Variants in RIMS2 observed in about 807,000 individuals in gnomAD.
RIMS2 encodes regulating synaptic membrane exocytosis 2, also known as regulating synaptic membrane exocytosis protein 2.
RIMS2 carries 59 observed loss-of-function variants against 174.4 expected under a neutral mutation model. The ratio of observed to expected loss-of-function variants is 0.34; its 90% CI spans 0.27 to 0.42. The LOEUF (loss-of-function observed/expected upper bound fraction) is 0.42. Among genes scored for constraint, RIMS2 ranks in the 10% least tolerant of loss-of-function variants. The pLI is 1.00. For synonymous variants in RIMS2, 606 were observed against 572.5 expected (o/e 1.06, Z -0.84); for missense variants, 1,620 against 1,666.3 (o/e 0.97, Z 0.48).
chr8:103,580,825 C>CTTTTTTTTTT (rs61559970), intron 1 of RIMS2, among the ~76,000 whole-genome samples: 2 of 113,458 alleles, frequency 1.8e-5, no homozygotes, highest in African/African-American at 3.5e-5. Context: ...AAAGGGAATA[C>CTTTTTTTTTT]TTTTTTTTTT....
intron 1 of RIMS2, among the ~76,000 whole-genome samples, chr8:103,606,522 T>A (rs2095093767): frequency 6.6e-6 from 1 of 152,212 alleles, no homozygotes; most frequent in African/African-American, 2.4e-5. Flanking sequence ...TAGGTCTGCT[T>A]GGTGCAGAGC....
chr8:103,855,870 CCAGTTGG>C (rs1338392993), intron 3 of RIMS2, among the ~76,000 whole-genome samples: 4 of 151,876 alleles, frequency 2.6e-5, no homozygotes, highest in Non-Finnish European at 1.5e-5. Flanking sequence ...TCTATTAGGT[CCAGTTGG>C]TCAAGTGTCA....
chr8:104,045,697 T>G (rs1434198248), intron 19 of RIMS2, among the ~76,000 whole-genome samples: 1 of 151,858 alleles, frequency 6.6e-6, no homozygotes, highest in African/African-American at 2.4e-5. Flanking sequence ...GTGATATTTA[T>G]TTTTGTTATG....
chr8:103,679,581 A>G (rs2096854896), intron 1 of RIMS2, among the ~76,000 whole-genome samples: 1 of 152,058 alleles, frequency 6.6e-6, no homozygotes, highest in Non-Finnish European at 1.5e-5. Context: ...TGCCAGGAAC[A>G]GCAGTAAATA....
At chr8:104,032,289 G>A (rs1393202252) in intron 19 of RIMS2, among the ~76,000 whole-genome samples, 1 of 152,096 alleles carries the variant, frequency 6.6e-6, no homozygotes, top group Non-Finnish European at 1.5e-5. Context: ...AGCATAGTAT[G>A]TGAATTCAAT....
downstream of RIMS2, chr8:104,252,074 C>G (rs1308878431): frequency 2.0e-6 from 1 of 508,604 alleles, no homozygotes; most frequent in Non-Finnish European, 3.5e-6. Context: ...CTGGTCCAAT[C>G]TGAAGCCATG....
At chr8:103,547,504 T>C (rs1015468796) in intron 1 of RIMS2, among the ~76,000 whole-genome samples, 13 of 152,172 alleles carry the variant, frequency 8.5e-5, no homozygotes, top group Non-Finnish European at 1.9e-4. Context: ...GGACACAACT[T>C]AAGCAGTGTT....
At chr8:104,094,783 AT>A in intron 19 of RIMS2, 1 of 581,466 alleles carries the variant, frequency 1.7e-6, no homozygotes. Context: ...CTTTTTTACC[AT>A]TCCTAAAAAT....
At chr8:103,787,545 G>A (rs2098455312) in intron 3 of RIMS2, among the ~76,000 whole-genome samples, 1 of 151,688 alleles carries the variant, frequency 6.6e-6, no homozygotes, top group South Asian at 2.1e-4. Context: ...TAGTTTGGCT[G>A]GATATGAAAT....
intron 1 of RIMS2, among the ~76,000 whole-genome samples, chr8:103,656,443 G>A (rs1468024855): frequency 2.0e-5 from 3 of 152,094 alleles, no homozygotes; most frequent in Non-Finnish European, 4.4e-5. Flanking sequence ...CAGACACAAA[G>A]ATTGGTTAAG....
chr8:104,170,736 A>G (rs1433232838), intron 19 of RIMS2, among the ~76,000 whole-genome samples: 1 of 151,602 alleles, frequency 6.6e-6, no homozygotes, highest in Non-Finnish European at 1.5e-5. Flanking sequence ...TCAATGTGTT[A>G]TTGTTTTATA....
intron 12 of RIMS2, among the ~76,000 whole-genome samples, chr8:103,933,229 G>A (rs572031897): frequency 3.3e-5 from 5 of 150,684 alleles, no homozygotes; most frequent in South Asian, 2.1e-4. Flanking sequence ...GGAGACAGAC[G>A]TTGCAGTGAG....
At chr8:103,768,632 A>C in intron 3 of RIMS2, 1 of 962,234 alleles carries the variant, frequency 1.0e-6, no homozygotes, top group Non-Finnish European at 1.7e-6. Context: ...AAAAAAGGAG[A>C]TAAAAATATT....
intron 3 of RIMS2, among the ~76,000 whole-genome samples, chr8:103,882,551 T>A (rs559178695): frequency 1.3e-5 from 2 of 151,592 alleles, no homozygotes; most frequent in South Asian, 4.1e-4. Flanking sequence ...ACAGTAGTCA[T>A]CCCAATTTCC....
intron 19 of RIMS2, among the ~76,000 whole-genome samples, chr8:104,201,936 G>A (rs879638418): frequency 7.9e-5 from 12 of 152,114 alleles, no homozygotes; most frequent in Admixed American, 2.0e-4. Flanking sequence ...ATTTTCTGTA[G>A]AAGAATAATG....
At chr8:103,520,043 G>A (rs1333367587) in intron 1 of RIMS2, among the ~76,000 whole-genome samples, 4 of 152,050 alleles carry the variant, frequency 2.6e-5, no homozygotes, top group African/African-American at 7.2e-5. Flanking sequence ...ATAAGGAAGG[G>A]CTTTGGCATT....
At chr8:104,247,558 C>T (rs531302872) in intron 20 of RIMS2, among the ~76,000 whole-genome samples, 5 of 152,178 alleles carry the variant, frequency 3.3e-5, no homozygotes, top group Admixed American at 6.5e-5. Flanking sequence ...TGGGGTGACA[C>T]GATTCAGTCC....
At chr8:103,683,718 C>G (rs2096906898) in intron 1 of RIMS2, among the ~76,000 whole-genome samples, 1 of 152,068 alleles carries the variant, frequency 6.6e-6, no homozygotes, top group Non-Finnish European at 1.5e-5. Flanking sequence ...CACAAAGGTA[C>G]AAATATGTGT....
chr8:103,555,785 A>G (rs1587653970), intron 1 of RIMS2, among the ~76,000 whole-genome samples: 1 of 133,470 alleles, frequency 7.5e-6, no homozygotes. Context: ...TCAGAGCGAG[A>G]CCCTCTCTCT....
Sources: allele counts gnomAD v4.1 joint callset (sites outside exome capture counted in the v4.1 genomes callset), GRCh38; gene constraint gnomAD v4.1.1; transcripts MANE v1.5; gene names NCBI Gene and HGNC (gene_info 2026-07-23, HGNC 2026-07-21).